The following PID1 variants were observed in gnomAD, a reference collection of about 807,000 sequenced individuals.
PID1 encodes the protein PTB-containing, cubilin and LRP1-interacting protein.
PID1 carries 10 observed loss-of-function variants against 19.1 expected under a neutral mutation model. That is an observed-to-expected ratio of 0.52 (90% CI 0.32 to 0.89). The LOEUF (loss-of-function observed/expected upper bound fraction) is 0.89, where lower values mean the gene tolerates loss of function less well. Among genes scored for constraint, PID1 ranks in the 40% least tolerant of loss-of-function variants. The pLI, the probability that PID1 is intolerant of heterozygous loss-of-function variation, is 0.03. For missense variants in PID1, 248 were observed against 285.3 expected (o/e 0.87, Z 0.94); for synonymous variants, 130 against 116.0 (o/e 1.12, Z -0.78).
At chr2:229,037,258 T>C (rs1337887608) in intron 2 of PID1, among the ~76,000 whole-genome samples, 2 of 152,186 alleles carry the variant, frequency 1.3e-5, no homozygotes, top group Non-Finnish European at 2.9e-5. Context: ...ATTTTTATTA[T>C]AGAAATATAT....
intron 2 of PID1, among the ~76,000 whole-genome samples, chr2:229,122,661 G>A (rs1695546446): frequency 6.6e-6 from 1 of 152,156 alleles, no homozygotes; most frequent in Non-Finnish European, 1.5e-5. Context: ...AAGGGAAGCA[G>A]GCCTACTATC....
At position 229,220,688 on chromosome 2, in the gene PID1, C is replaced by T. The variant is rs11885428; in HGVS notation, c.30+50326G>A. Among the ~76,000 whole-genome samples the T allele has an allele frequency of 7.1e-3, 1,083 of 152,296 alleles. 10 individuals are homozygous for T. The highest frequency in any genetic ancestry group is 0.025 in the African/African-American group (1,027 of 41,566). ...TATTAGCATTGAACTTCTGTAAACTCAGTGTTTGCCCGTATCAAATAGCAC... is the reference window on the plus strand; with the variant it reads ...TATTAGCATTGAACTTCTGTAAACTTAGTGTTTGCCCGTATCAAATAGCAC... On this transcript the variant is annotated intron_variant, in intron 1 of 2. Coordinates refer to ENST00000392055, the MANE Select transcript of PID1 (RefSeq NM_001100818.2).
At chr2:229,052,972 T>C (rs1251550610) in intron 2 of PID1, among the ~76,000 whole-genome samples, 1 of 152,230 alleles carries the variant, frequency 6.6e-6, no homozygotes, top group Non-Finnish European at 1.5e-5. Flanking sequence ...ATGTGCCATG[T>C]ACAATTATTA....
intron 2 of PID1, among the ~76,000 whole-genome samples, chr2:229,039,511 T>C (rs1318402717): frequency 6.6e-6 from 1 of 152,206 alleles, no homozygotes; most frequent in Non-Finnish European, 1.5e-5. Context: ...TTATATCCCT[T>C]GCAACTATTT....
intron 2 of PID1, among the ~76,000 whole-genome samples, chr2:229,138,676 G>A (rs1433791303): frequency 6.6e-6 from 1 of 151,856 alleles, no homozygotes; most frequent in African/African-American, 2.4e-5. Context: ...TTTCCCTTTG[G>A]GAGTCCACAT....
At chr2:229,210,173 G>T (rs1053628789) in intron 1 of PID1, among the ~76,000 whole-genome samples, 1 of 151,418 alleles carries the variant, frequency 6.6e-6, no homozygotes, top group African/African-American at 2.4e-5. Flanking sequence ...ATGTAAAGGA[G>T]GGGGAGGATC....
At chr2:229,113,509 C>CATATATATATAT (rs3067619) in intron 2 of PID1, among the ~76,000 whole-genome samples, 5 of 138,204 alleles carry the variant, frequency 3.6e-5, no homozygotes, top group African/African-American at 1.3e-4. Context: ...TGTGTGTATA[C>CATATATATATAT]ATATATATAT....
At chr2:229,046,359 T>A (rs911307655) in intron 2 of PID1, among the ~76,000 whole-genome samples, 11 of 149,126 alleles carry the variant, frequency 7.4e-5, no homozygotes, top group African/African-American at 2.5e-4. Flanking sequence ...TGTGTGTGTG[T>A]GTGTGTGTGT....
chr2:229,158,452 A>G (rs898008586), intron 1 of PID1, among the ~76,000 whole-genome samples: 4 of 152,196 alleles, frequency 2.6e-5, no homozygotes, highest in African/African-American at 9.7e-5. Flanking sequence ...ATTGTCTTCC[A>G]GTAGAATATA....
intron 2 of PID1, among the ~76,000 whole-genome samples, chr2:229,101,383 C>T (rs182460151): frequency 6.6e-6 from 1 of 152,242 alleles, no homozygotes; most frequent in Admixed American, 6.5e-5. Context: ...TTCTTGTAAG[C>T]AACCTTGAAA....
intron 2 of PID1, among the ~76,000 whole-genome samples, chr2:229,106,089 A>AAAAAAT (rs57472647): frequency 6.7e-6 from 1 of 149,246 alleles, no homozygotes; most frequent in Non-Finnish European, 1.5e-5. Flanking sequence ...AAAAAAAAAA[A>AAAAAAT]GGGAAAAGAA....
At chr2:229,119,898 GC>G (rs1695483371) in intron 2 of PID1, among the ~76,000 whole-genome samples, 1 of 152,114 alleles carries the variant, frequency 6.6e-6, no homozygotes, top group Non-Finnish European at 1.5e-5. Context: ...CACTCCCTCT[GC>G]CTTAGTGCTT....
chr2:229,168,421 T>G (rs576726467), intron 1 of PID1, among the ~76,000 whole-genome samples: 1 of 152,292 alleles, frequency 6.6e-6, no homozygotes, highest in African/African-American at 2.4e-5. Flanking sequence ...GTTTACTTAT[T>G]TTTCCTCTGG....
intron 1 of PID1, among the ~76,000 whole-genome samples, chr2:229,230,369 C>A (rs1692178626): frequency 6.6e-6 from 1 of 152,188 alleles, no homozygotes; most frequent in South Asian, 2.1e-4. Flanking sequence ...GAAGCCAGGA[C>A]CACTAAGGTT....
chr2:229,024,042 A>C lies in PID1; in HGVS notation c.*1590T>G, dbSNP rs1360543313. Reference sequence around the variant, plus strand: ...AGAATGAATGCATTTATGCTAAAGAATAGCTTACATATGTTGTAAAGCAAC... The same window carrying C: ...AGAATGAATGCATTTATGCTAAAGACTAGCTTACATATGTTGTAAAGCAAC... On this transcript the variant is annotated 3_prime_UTR_variant, in exon 3 of 3. Transcript: ENST00000392055. 3 of 152,666 alleles carry C rather than the reference A, an allele frequency of 2.0e-5. No homozygotes were observed. The highest frequency in any genetic ancestry group is 4.4e-5 in the Non-Finnish European group (3 of 68,040). The allele number at this position is 152,666 out of a possible 1,614,324, so 9.5% of individuals were successfully genotyped here. A position where few individuals can be genotyped will look rare whatever the true frequency, so the allele number is the denominator to read the frequency against.
chr2:229,071,738 T>C (rs141072834), intron 2 of PID1, among the ~76,000 whole-genome samples: 1 of 152,332 alleles, frequency 6.6e-6, no homozygotes, highest in Non-Finnish European at 1.5e-5. Flanking sequence ...CAGTAAAAGA[T>C]AAGCTTCAGC....
chr2:229,163,908 T>C (rs918431167), intron 1 of PID1, among the ~76,000 whole-genome samples: 1 of 152,246 alleles, frequency 6.6e-6, no homozygotes, highest in Non-Finnish European at 1.5e-5. Flanking sequence ...GTAAGTTTTA[T>C]TTAATTCACA....
chr2:229,200,568 G>A (rs532782858), intron 1 of PID1, among the ~76,000 whole-genome samples: 94 of 151,974 alleles, frequency 6.2e-4, no homozygotes, highest in African/African-American at 2.1e-3. Flanking sequence ...GCAGCTTGTC[G>A]GAGAAAAGGA....
At chr2:229,125,077 CTT>C (rs1695595337) in intron 2 of PID1, among the ~76,000 whole-genome samples, 1 of 152,124 alleles carries the variant, frequency 6.6e-6, no homozygotes, top group African/African-American at 2.4e-5. Flanking sequence ...GATGATCAGA[CTT>C]TACTCTTTCA....
Sources: allele counts gnomAD v4.1 joint callset (sites outside exome capture counted in the v4.1 genomes callset), GRCh38; gene constraint gnomAD v4.1.1; transcripts MANE v1.5; gene names NCBI Gene and HGNC (gene_info 2026-07-23, HGNC 2026-07-21).